The following SERAC1 variants were observed in gnomAD, a reference collection of about 807,000 sequenced individuals.
SERAC1 encodes the protein protein SERAC1.
Under a neutral mutation model 85.7 loss-of-function variants are expected in SERAC1, and 36 were observed. That is an observed-to-expected ratio of 0.42 (90% confidence interval 0.32 to 0.55). The LOEUF (loss-of-function observed/expected upper bound fraction) is 0.55. SERAC1 is among the 20% of genes least tolerant of loss of function. The probability of loss-of-function intolerance (pLI) is 0.11; values close to 1 mark genes in which losing one functional copy is unlikely to be tolerated. For synonymous variants in SERAC1, 242 were observed against 265.3 expected (o/e 0.91, Z 0.85); for missense variants, 629 against 796.2 (o/e 0.79, Z 2.53).
chr6:158,160,298 GA>G (rs1301106566), intron 1 of SERAC1, among the ~76,000 whole-genome samples: 3 of 151,814 alleles, frequency 2.0e-5, no homozygotes, highest in African/African-American at 7.3e-5. Context: ...ATTTAACAAT[GA>G]AAAAGAAAAA....
intron 8 of SERAC1, among the ~76,000 whole-genome samples, chr6:158,130,895 A>T (rs916983255): frequency 2.0e-5 from 3 of 152,240 alleles, no homozygotes; most frequent in African/African-American, 7.2e-5. Flanking sequence ...AATTCAAAAG[A>T]TATAAAGCAT....
chr6:158,111,623 AAAG>A, intron 16 of SERAC1, 121 bp from the exon 17 acceptor site: 3 of 694,302 alleles, frequency 4.3e-6, no homozygotes. Flanking sequence ...GGGACTCTTA[AAAG>A]ATAAAGGAAC....
intron 9 of SERAC1, among the ~76,000 whole-genome samples, chr6:158,128,471 A>G (rs763024158): frequency 1.3e-5 from 2 of 152,204 alleles, no homozygotes; most frequent in Non-Finnish European, 2.9e-5. Context: ...CATAGAAAAA[A>G]TCCCAAGAAG....
At chr6:158,130,880 A>C (rs1784656615) in intron 8 of SERAC1, among the ~76,000 whole-genome samples, 1 of 152,220 alleles carries the variant, frequency 6.6e-6, no homozygotes, top group Non-Finnish European at 1.5e-5. Context: ...TCTAATAATC[A>C]ATATAATTCA....
At chr6:158,145,620 G>C (rs866037544) in intron 6 of SERAC1, among the ~76,000 whole-genome samples, 1 of 149,856 alleles carries the variant, frequency 6.7e-6, no homozygotes, top group Non-Finnish European at 1.5e-5. Flanking sequence ...TCGTGGGTTC[G>C]CAATTCTTGT....
chr6:158,151,680 C>T (rs1441024396), intron 3 of SERAC1, among the ~76,000 whole-genome samples: 1 of 152,186 alleles, frequency 6.6e-6, no homozygotes, highest in African/African-American at 2.4e-5. Context: ...CCACCTCGGC[C>T]TCCCAAAGTG....
At chr6:158,138,869 A>G (rs571845957) in intron 8 of SERAC1, among the ~76,000 whole-genome samples, 1 of 152,316 alleles carries the variant, frequency 6.6e-6, no homozygotes, top group South Asian at 2.1e-4. Flanking sequence ...CAACAAAAGG[A>G]AAAAATGTAT....
At chr6:158,131,612 C>G (rs1225032742) in intron 8 of SERAC1, among the ~76,000 whole-genome samples, 1 of 151,850 alleles carries the variant, frequency 6.6e-6, no homozygotes, top group East Asian at 1.9e-4. Context: ...AGACGAGGTT[C>G]TAGGGAAACA....
chr6:158,158,505 TAAA>T, intron 1 of SERAC1, 141 bp from the exon 2 acceptor site: 2 of 505,478 alleles, frequency 4.0e-6, no homozygotes, highest in Non-Finnish European at 3.4e-6. Flanking sequence ...ACTTTCCAAT[TAAA>T]AAAAAAATTC....
At chr6:158,145,052 T>C (rs1208000611) in intron 6 of SERAC1, among the ~76,000 whole-genome samples, 3 of 152,264 alleles carry the variant, frequency 2.0e-5, no homozygotes, top group Non-Finnish European at 4.4e-5. Flanking sequence ...AAGACCAGCC[T>C]GGCCAACATG....
In SERAC1 at chr6:158,123,602, GTTCT is replaced by G. The variant is rs556973608; in HGVS notation, c.1016-3031_1016-3028del. Among the ~76,000 whole-genome samples, 36 of 152,286 alleles carry G rather than the reference GTTCT, an allele frequency of 2.4e-4. 1 individual carries two copies. In the East Asian group the frequency reaches 6.9e-3, roughly 29 times the overall value. ...ACATAATTGCTGAGCAATATTGAAG[GTTCT>G]TTAATTTGTGATCTCATAAGCATGC... On this transcript the variant is annotated intron_variant, in intron 10 of 16. Transcript: ENST00000647468.
chr6:158,120,576 C>G lies in SERAC1; in HGVS notation c.1016-1G>C, dbSNP rs1285012803. The G allele has an allele frequency of 6.2e-7, 1 of 1,613,476 alleles. No homozygotes were observed. The highest frequency in any genetic ancestry group is 8.5e-7 in the Non-Finnish European group (1 of 1,179,758). ...GCTTCTGCCATGATGGAAACCCAGCCTGGTGAAAAGTACACATATCCTAAA... is the reference window on the plus strand; with the variant it reads ...GCTTCTGCCATGATGGAAACCCAGCGTGGTGAAAAGTACACATATCCTAAA... On this transcript the variant is annotated splice_acceptor_variant, in intron 10 of 16. Coordinates refer to ENST00000647468, the MANE Select transcript of SERAC1 (RefSeq NM_032861.4). LOFTEE classifies it high-confidence loss of function. The surrounding 1 kb of genome is among the most constrained non-coding windows in gnomAD (Gnocchi z 4.4).
intron 1 of SERAC1, chr6:158,161,408 C>T (rs1413263807): frequency 1.3e-5 from 2 of 151,302 alleles, no homozygotes; most frequent in Admixed American, 6.6e-5. Flanking sequence ...ATAGTAATAG[C>T]TGGGTTTGGA....
At position 158,111,372 on chromosome 6, in the gene SERAC1, T is replaced by C. The variant is rs745806731; in HGVS notation, c.1959A>G (p.Glu653=). 1 of 1,585,116 alleles carries C rather than the reference T, an allele frequency of 6.3e-7. No homozygotes were observed. The highest frequency in any genetic ancestry group is 1.9e-5 in the Admixed American group (1 of 51,288). ...FIREALAKDL[E]N is the part of the protein sequence containing the mutation. Reference sequence around the variant, plus strand: ...AACTGGAAGAGCACAACTGTTAGTTTTCAAGGTCTTTGGCTAAAGCTTCAC... The same window carrying C: ...AACTGGAAGAGCACAACTGTTAGTTCTCAAGGTCTTTGGCTAAAGCTTCAC... Residue 653 remains glutamate, a synonymous_variant, in exon 17 of 17, where the codon GAA becomes GAG. Transcript: ENST00000647468.
chr6:158,147,482 T>C (rs923272394), intron 5 of SERAC1, among the ~76,000 whole-genome samples: 19 of 151,398 alleles, frequency 1.3e-4, no homozygotes, highest in East Asian at 1.9e-4. Flanking sequence ...TAACATAGGC[T>C]GGGCGAGGTG....
At position 158,117,930 on chromosome 6, in the gene SERAC1, T is replaced by C. The variant is rs913187278; in HGVS notation, c.1309-109A>G. Reference sequence around the variant, plus strand: ...AGGCCTCTTGCACTATAATTAAAGATAGCACTGGAATAAGGTTTGAAGGTA... The same window carrying C: ...AGGCCTCTTGCACTATAATTAAAGACAGCACTGGAATAAGGTTTGAAGGTA... On this transcript the variant is annotated intron_variant, in intron 12 of 16. Transcript: ENST00000647468. The surrounding 1 kb of genome is among the most constrained non-coding windows in gnomAD (Gnocchi z 4.3). 38 of 803,230 alleles carry C rather than the reference T, an allele frequency of 4.7e-5. No individual in the cohort carries two copies. The highest frequency in any genetic ancestry group is 2.0e-4 in the Admixed American group (8 of 39,884). The allele number at this position is 803,230 out of a possible 1,614,324, so 49.8% of individuals were successfully genotyped here. A position where few individuals can be genotyped will look rare whatever the true frequency, so the allele number is the denominator to read the frequency against.
chr6:158,145,572 G>A (rs1440863992), intron 6 of SERAC1, among the ~76,000 whole-genome samples: 1 of 148,148 alleles, frequency 6.8e-6, no homozygotes, highest in East Asian at 2.0e-4. Context: ...CCAGGCTGGA[G>A]TGGAGTGGTA....
At chr6:158,126,069 C>A (rs528900021) in intron 10 of SERAC1, among the ~76,000 whole-genome samples, 2 of 152,220 alleles carry the variant, frequency 1.3e-5, no homozygotes, top group East Asian at 3.9e-4. Context: ...ATCTTCCATC[C>A]CACAACACAC....
intron 5 of SERAC1, 144 bp downstream of exon 5, chr6:158,148,721 G>T: frequency 1.8e-6 from 1 of 565,976 alleles, no homozygotes; most frequent in Non-Finnish European, 2.9e-6. Context: ...TGGATTACAA[G>T]CGTGAGCCAC....
Sources: allele counts gnomAD v4.1 joint callset (sites outside exome capture counted in the v4.1 genomes callset), GRCh38; gene constraint gnomAD v4.1.1; non-coding constraint Gnocchi (gnomAD v3.1); transcripts MANE v1.5; gene names NCBI Gene and HGNC (gene_info 2026-07-23, HGNC 2026-07-21).